Variants in PLEKHM1 observed in about 807,000 individuals in gnomAD.
PLEKHM1 encodes pleckstrin homology domain-containing family M member 1.
Under a neutral mutation model 94.3 loss-of-function variants are expected in PLEKHM1, and 28 were observed. That is an observed-to-expected ratio of 0.30 (90% CI 0.22 to 0.41). The LOEUF is 0.41. PLEKHM1 is among the 10% of genes least tolerant of loss of function. The pLI, the probability that PLEKHM1 is intolerant of heterozygous loss-of-function variation, is 1.00. For missense variants in PLEKHM1, 907 were observed against 1,358.6 expected (o/e 0.67, Z 5.22); for synonymous variants, 424 against 581.2 (o/e 0.73, Z 3.89).
chr17:45,437,404 G>A lies in PLEKHM1; in HGVS notation c.*454C>T, dbSNP rs1244755238. The A allele has an allele frequency of 2.2e-6, 1 of 454,706 alleles. No individual in the cohort carries two copies. The highest frequency in any genetic ancestry group is 1.6e-5 in the South Asian group (1 of 64,486). The allele number at this position is 454,706 out of a possible 1,614,324, so 28.2% of individuals were successfully genotyped here. ...GGGGTGAGAATGTCTGGATTTCATGGGTGACTCACGTAGGGTCAAGAATAA... is the reference window on the plus strand; with the variant it reads ...GGGGTGAGAATGTCTGGATTTCATGAGTGACTCACGTAGGGTCAAGAATAA... On this transcript the variant is annotated 3_prime_UTR_variant, in exon 12 of 12. Transcript: ENST00000430334. The surrounding 1 kb of genome is among the most constrained non-coding windows in gnomAD (Gnocchi z 4.0).
intron 2 of PLEKHM1, among the ~76,000 whole-genome samples, chr17:45,479,517 CAAAAAAAAAAA>C (rs55781182): frequency 1.2e-5 from 1 of 86,374 alleles, no homozygotes; most frequent in Non-Finnish European, 2.2e-5. Flanking sequence ...GACTCCGCCT[CAAAAAAAAAAA>C]AAAAAAAAAT....
chr17:45,475,329 T>C lies in PLEKHM1; in HGVS notation c.694A>G (p.Ile232Val). The change falls in exon 4 of 12, where the codon ATC (isoleucine) becomes GTC (valine). Residue 232 changes from isoleucine to valine, a missense_variant. Coordinates refer to ENST00000430334, the MANE Select transcript of PLEKHM1 (RefSeq NM_014798.3). ...TTATGGCCCGAGTGATGGACTTCGA[T>C]GTCTTCAGAGCCTGAAGAATGGGAA... ...SISHSSGSEDIEVHHSGHKIR... is the reference protein window; with the variant it reads ...SISHSSGSEDVEVHHSGHKIR... The C allele has an allele frequency of 6.2e-7, 1 of 1,613,932 alleles. No homozygotes were observed. The highest frequency in any genetic ancestry group is 2.2e-5 in the East Asian group (1 of 44,878).
At chr17:45,435,368 G>C (rs1597898192), downstream of PLEKHM1, among the ~76,000 whole-genome samples, 1 of 152,300 alleles carries the variant, frequency 6.6e-6, no homozygotes, top group East Asian at 1.9e-4. Flanking sequence ...CCTTGGAGGG[G>C]TCCCCTGGGC....
intron 1 of PLEKHM1, among the ~76,000 whole-genome samples, chr17:45,486,182 ACTC>A (rs1172020386): frequency 2.0e-5 from 3 of 148,378 alleles, no homozygotes; most frequent in African/African-American, 7.4e-5. Flanking sequence ...CCGCCACTGC[ACTC>A]CAGCCTAGGC....
At chr17:45,449,949 TCCAC>T (rs1280648042) in intron 8 of PLEKHM1, among the ~76,000 whole-genome samples, 86 of 121,882 alleles carry the variant, frequency 7.1e-4, no homozygotes, top group African/African-American at 2.6e-3. Flanking sequence ...CACCTACCCA[TCCAC>T]CCACCCACCT....
At chr17:45,438,777 G>A (rs1479623655) in intron 11 of PLEKHM1, among the ~76,000 whole-genome samples, 1 of 151,968 alleles carries the variant, frequency 6.6e-6, no homozygotes, top group African/African-American at 2.4e-5. Context: ...GGCTGGTCTT[G>A]AACTCCTGAC....
At position 45,454,287 on chromosome 17, in the gene PLEKHM1, A is replaced by G; in HGVS notation, c.1580-15T>C. 1 of 1,585,646 alleles carries G rather than the reference A, an allele frequency of 6.3e-7. No homozygotes were observed. The highest frequency in any genetic ancestry group is 2.3e-5 in the East Asian group (1 of 43,114). On this transcript the variant is annotated splice_polypyrimidine_tract_variant and intron_variant, in intron 6 of 11. Coordinates refer to ENST00000430334, the MANE Select transcript of PLEKHM1 (RefSeq NM_014798.3). Reference sequence around the variant, plus strand: ...GTTGGACAGTCCTGGAGGCAGAGGCAAAAAGGGGCACATTAGTTGGCGGGC... The same window carrying G: ...GTTGGACAGTCCTGGAGGCAGAGGCGAAAAGGGGCACATTAGTTGGCGGGC...
intron 2 of PLEKHM1, among the ~76,000 whole-genome samples, chr17:45,481,303 C>A (rs1262812402): frequency 6.6e-6 from 1 of 151,698 alleles, no homozygotes; most frequent in African/African-American, 2.4e-5. Flanking sequence ...GGATACTAGA[C>A]CCTTATCAGA....
At chr17:45,438,565 AT>A (rs1035797642) in intron 11 of PLEKHM1, among the ~76,000 whole-genome samples, 23 of 151,268 alleles carry the variant, frequency 1.5e-4, no homozygotes, top group African/African-American at 5.1e-4. Flanking sequence ...TACTTACTTT[AT>A]TTATTTATTT....
rs1436029205 is a variant in PLEKHM1, at chr17:45,458,881, C to G, written c.1309-442G>C. ...GCCATGGTGGCTCACACCTGTAATC[C>G]CAGCACTTTGGGAGGCTGAGGTGAG... On this transcript the variant is annotated intron_variant, in intron 5 of 11. Transcript: ENST00000430334. 1.3e-4 allele frequency among the ~76,000 whole-genome samples: 19 copies of G among 151,296 alleles called. No homozygotes were observed. The East Asian group carries it at 3.7e-3, about 30-fold the overall frequency.
In PLEKHM1 at chr17:45,440,163, C is replaced by A; in HGVS notation, c.2901G>T (p.Gln967His). 6.2e-7 allele frequency: 1 copy of A among 1,613,406 alleles called. No individual in the cohort carries two copies. The highest frequency in any genetic ancestry group is 8.5e-7 in the Non-Finnish European group (1 of 1,179,322). ...PHRFSVADLQ[Q>H]IADGVYEGFL... ...GGCGGGGGAAGCATGACACTCTTAC[C>A]TGTTGGAGGTCAGCAACACTGAACC... Residue 967 changes from glutamine to histidine, a missense_variant and splice_region_variant, in exon 10 of 12, where the codon CAG (glutamine) becomes CAT (histidine). Physicochemically the swap from Gln to His is conservative, Grantham distance 24. Transcript: ENST00000430334.
intron 2 of PLEKHM1, among the ~76,000 whole-genome samples, chr17:45,480,431 T>A (rs2051913231): frequency 6.6e-6 from 1 of 151,472 alleles, no homozygotes; most frequent in Non-Finnish European, 1.5e-5. Context: ...TTGTAGTGAG[T>A]CAAGATTGTG....
chr17:45,437,822 AC>A lies in PLEKHM1; in HGVS notation c.*35del. ...CAGCCGGGATGGCTGAGCCACACTC[AC>A]CCCCGGCTTTCAGAGCGGGGTCAGC... is the stretch of plus-strand genomic sequence containing the variant. On this transcript the variant is annotated 3_prime_UTR_variant, in exon 12 of 12. Coordinates refer to ENST00000430334, the MANE Select transcript of PLEKHM1 (RefSeq NM_014798.3). The surrounding 1 kb of genome is among the most constrained non-coding windows in gnomAD (Gnocchi z 4.0). 3 of 1,504,378 alleles carry A rather than the reference AC, an allele frequency of 2.0e-6. No homozygotes were observed. The highest frequency in any genetic ancestry group is 2.8e-6 in the Non-Finnish European group (3 of 1,080,168). The allele number at this position is 1,504,378 out of a possible 1,614,324, so 93.2% of individuals were successfully genotyped here.
intron 8 of PLEKHM1, among the ~76,000 whole-genome samples, chr17:45,449,295 C>T (rs1385479868): frequency 6.6e-6 from 1 of 151,782 alleles, no homozygotes; most frequent in Non-Finnish European, 1.5e-5. Context: ...ACCGTCCACC[C>T]ATCTACCCAT....
At chr17:45,435,516 A>G (rs2050233376), downstream of PLEKHM1, among the ~76,000 whole-genome samples, 1 of 152,196 alleles carries the variant, frequency 6.6e-6, no homozygotes, top group African/African-American at 2.4e-5. Context: ...TTCTCCTCTG[A>G]GAAATGTCCC....
chr17:45,456,173 T>G (rs1320275175), intron 6 of PLEKHM1: 5 of 152,232 alleles, frequency 3.3e-5, no homozygotes, highest in African/African-American at 9.7e-5. Flanking sequence ...TCTACCTCTG[T>G]AGACAGGTAG....
At chr17:45,479,874 T>C (rs1414702706) in intron 2 of PLEKHM1, among the ~76,000 whole-genome samples, 1 of 152,168 alleles carries the variant, frequency 6.6e-6, no homozygotes, top group Non-Finnish European at 1.5e-5. Flanking sequence ...CTTTTGGAAA[T>C]ATAGAGTAAA....
Position 45,445,659 on chromosome 17 carries a change from C to G in PLEKHM1, c.2648G>C (p.Cys883Ser). The change falls in exon 9 of 12, where the codon TGC becomes TCC. Residue 883 changes from cysteine to serine, a missense_variant. Physicochemically the swap from Cys to Ser is moderately radical, Grantham distance 112. Coordinates refer to ENST00000430334, the MANE Select transcript of PLEKHM1 (RefSeq NM_014798.3). The surrounding 1 kb of genome is among the most constrained non-coding windows in gnomAD (Gnocchi z 4.2). ...TGTCAGAAACTTCAGGGCCTGCCTG[C>G]AGATCTGGGGGTACCACCAGGCATT... ...HNWDLTKRPI[C>S]RQALKFLTQI... is the part of the protein sequence containing the mutation. 1 of 1,613,576 alleles carries G rather than the reference C, an allele frequency of 6.2e-7. No homozygotes were observed. Among genetic ancestry groups the G allele is most frequent in the Non-Finnish European group, 8.5e-7 (1 of 1,179,836 alleles).
intron 4 of PLEKHM1, among the ~76,000 whole-genome samples, chr17:45,473,291 G>GA (rs201154042): frequency 2.3e-4 from 35 of 151,252 alleles, no homozygotes; most frequent in African/African-American, 6.1e-4. Flanking sequence ...ATATGCAATA[G>GA]AAAAAAAAAG....
Sources: gnomAD v4.1 joint callset for allele counts (sites outside exome capture counted in the v4.1 genomes callset) on GRCh38, gnomAD v4.1.1 for gene constraint, Gnocchi (gnomAD v3.1) non-coding constraint, MANE v1.5 for transcripts, NCBI Gene and HGNC (gene_info 2026-07-23, HGNC 2026-07-21) for gene names.